EPHA5: variants seen among roughly 807,000 people sequenced by gnomAD.
EPHA5 encodes ephrin type-A receptor 5.
A neutral mutation model predicts 105.0 loss-of-function variants in EPHA5; 60 were observed. That is an observed-to-expected ratio of 0.57 (90% confidence interval 0.46 to 0.71). The LOEUF (loss-of-function observed/expected upper bound fraction) is 0.71. Among genes scored for constraint, EPHA5 ranks in the 30% least tolerant of loss-of-function variants. The pLI is 0.00. For missense variants in EPHA5, 1,218 were observed against 1,274.7 expected (o/e 0.96, Z 0.68); for synonymous variants, 513 against 449.1 (o/e 1.14, Z -1.80).
intron 4 of EPHA5, among the ~76,000 whole-genome samples, chr4:65,493,608 T>C (rs1043479529): frequency 2.3e-4 from 35 of 152,262 alleles, no homozygotes; most frequent in African/African-American, 8.2e-4. Context: ...AAATTTAATT[T>C]TATTTTACTT....
intron 5 of EPHA5, among the ~76,000 whole-genome samples, chr4:65,472,533 T>C: frequency 6.6e-6 from 1 of 152,180 alleles, no homozygotes; most frequent in Non-Finnish European, 1.5e-5. Flanking sequence ...GAAATCTAGG[T>C]TCCCAAACCT....
chr4:65,576,079 A>AAAAG (rs1740964819), intron 3 of EPHA5, among the ~76,000 whole-genome samples: 1 of 95,866 alleles, frequency 1.0e-5, no homozygotes, highest in Admixed American at 1.3e-4. Flanking sequence ...AAAAGAAAAG[A>AAAAG]AAAGAAAAGA....
intron 5 of EPHA5, among the ~76,000 whole-genome samples, chr4:65,473,641 A>T (rs2149167719): frequency 6.6e-6 from 1 of 152,140 alleles, no homozygotes; most frequent in East Asian, 1.9e-4. Context: ...ATCACCTCCC[A>T]CCTGGTCTCT....
At chr4:65,620,966 A>G (rs1157163561) in intron 2 of EPHA5, among the ~76,000 whole-genome samples, 1 of 152,168 alleles carries the variant, frequency 6.6e-6, no homozygotes, top group Non-Finnish European at 1.5e-5. Flanking sequence ...TCAGAGTTGC[A>G]TGCTTCAATA....
At chr4:65,481,759 A>G (rs1730385946) in intron 5 of EPHA5, among the ~76,000 whole-genome samples, 1 of 152,204 alleles carries the variant, frequency 6.6e-6, no homozygotes. Context: ...TGTTCCTGAT[A>G]TAGAACCAAG....
intron 4 of EPHA5, among the ~76,000 whole-genome samples, chr4:65,492,765 T>C (rs1478665967): frequency 6.6e-6 from 1 of 152,122 alleles, no homozygotes; most frequent in African/African-American, 2.4e-5. Context: ...TGCATGTGTC[T>C]TTATAGTAGA....
At chr4:65,410,012 A>G (rs560825023) in intron 7 of EPHA5, among the ~76,000 whole-genome samples, 7 of 152,340 alleles carry the variant, frequency 4.6e-5, no homozygotes, top group African/African-American at 1.7e-4. Context: ...AGTTTCTTAC[A>G]AAATTAGATA....
chr4:65,509,793 T>A (rs1578290012), intron 3 of EPHA5, among the ~76,000 whole-genome samples: 1 of 152,166 alleles, frequency 6.6e-6, no homozygotes, highest in East Asian at 1.9e-4. Context: ...TCAGATCATT[T>A]CATTAGCATA....
At chr4:65,448,563 G>C (rs970418216) in intron 5 of EPHA5, among the ~76,000 whole-genome samples, 1 of 152,090 alleles carries the variant, frequency 6.6e-6, no homozygotes, top group African/African-American at 2.4e-5. Context: ...CAGGAGAATT[G>C]CTTGAACCCA....
chr4:65,413,690 G>A (rs1182013561), intron 7 of EPHA5, among the ~76,000 whole-genome samples: 1 of 152,046 alleles, frequency 6.6e-6, no homozygotes, highest in East Asian at 1.9e-4. Flanking sequence ...CTTTCAATGT[G>A]TTTAGGGCAA....
At chr4:65,668,258 C>G (rs1170237888) in intron 1 of EPHA5, among the ~76,000 whole-genome samples, 1 of 152,124 alleles carries the variant, frequency 6.6e-6, no homozygotes, top group African/African-American at 2.4e-5. Flanking sequence ...TCTCCTACAG[C>G]GGAGACTGAA....
chr4:65,608,272 G>A (rs1352151879), intron 2 of EPHA5, among the ~76,000 whole-genome samples: 1 of 152,158 alleles, frequency 6.6e-6, no homozygotes, highest in Non-Finnish European at 1.5e-5. Flanking sequence ...GGGAGGCTGA[G>A]GTAAGTGGAT....
intron 2 of EPHA5, among the ~76,000 whole-genome samples, chr4:65,628,597 C>T (rs1348771337): frequency 1.3e-5 from 2 of 152,052 alleles, no homozygotes; most frequent in African/African-American, 4.8e-5. Context: ...ATGCAGCATA[C>T]AGCCACCACT....
At chr4:65,344,587 A>T (rs574527890) in intron 14 of EPHA5, among the ~76,000 whole-genome samples, 1 of 152,212 alleles carries the variant, frequency 6.6e-6, no homozygotes, top group Non-Finnish European at 1.5e-5. Flanking sequence ...GTTTCCCTTG[A>T]GTGAAGTAGA....
intron 8 of EPHA5, among the ~76,000 whole-genome samples, chr4:65,368,613 C>T (rs1718153644): frequency 6.6e-6 from 1 of 152,108 alleles, no homozygotes; most frequent in African/African-American, 2.4e-5. Flanking sequence ...AAATGATGCT[C>T]CTCCACTCTG....
chr4:65,521,794 A>G (rs552219537), intron 3 of EPHA5, among the ~76,000 whole-genome samples: 1 of 152,004 alleles, frequency 6.6e-6, no homozygotes, highest in Admixed American at 6.6e-5. Flanking sequence ...TCTTTGTGTA[A>G]TCCAGCTACC....
intron 11 of EPHA5, among the ~76,000 whole-genome samples, chr4:65,353,818 T>C (rs1417665590): frequency 1.3e-5 from 2 of 151,830 alleles, no homozygotes; most frequent in Non-Finnish European, 2.9e-5. Context: ...CCTTCCTCTC[T>C]CTGCTACACA....
intron 3 of EPHA5, among the ~76,000 whole-genome samples, chr4:65,551,188 T>C (rs1312648950): frequency 6.7e-6 from 1 of 148,428 alleles, no homozygotes; most frequent in Non-Finnish European, 1.5e-5. Flanking sequence ...TTTGGATAAA[T>C]AAATGATATG....
intron 3 of EPHA5, among the ~76,000 whole-genome samples, chr4:65,504,966 A>T (rs1355559009): frequency 6.6e-6 from 1 of 152,034 alleles, no homozygotes; most frequent in Non-Finnish European, 1.5e-5. Context: ...CTTCTATCCC[A>T]AACAAATAAA....
Sources: allele counts gnomAD v4.1 joint callset (sites outside exome capture counted in the v4.1 genomes callset), GRCh38; gene constraint gnomAD v4.1.1; transcripts MANE v1.5; gene names NCBI Gene and HGNC (gene_info 2026-07-23, HGNC 2026-07-21).